Variants in CENPP observed in about 807,000 individuals in gnomAD.
CENPP encodes the protein centromere protein P.
A neutral mutation model predicts 35.6 loss-of-function variants in CENPP; 24 were observed. That is an observed-to-expected ratio of 0.67 (90% CI 0.49 to 0.95). The LOEUF is 0.95. CENPP is among the 40% of genes least tolerant of loss of function. The pLI is 0.00. For synonymous variants in CENPP, 120 were observed against 125.5 expected, an observed-to-expected ratio of 0.96 and a Z score of 0.29; for missense variants, 332 against 345.3, an observed-to-expected ratio of 0.96 and a Z score of 0.31.
chr9:92,337,741 G>C (rs1840974302), intron 3 of CENPP, 112 bp downstream of exon 3: 6 of 752,770 alleles, frequency 8.0e-6, no homozygotes, highest in African/African-American at 5.3e-5. Context: ...ATGAGCCAGG[G>C]CCCCCCCATT....
chr9:92,592,066 T>C (rs1850676330), intron 5 of CENPP, among the ~76,000 whole-genome samples: 2 of 151,786 alleles, frequency 1.3e-5, no homozygotes, highest in African/African-American at 4.9e-5. Context: ...AAAATAGACA[T>C]ACAGAAAAGA....
rs76297691 is a variant in CENPP at position 92,516,072 on chromosome 9, T to TCCC, written c.565-95235_565-95233dup. Among the ~76,000 whole-genome samples the TCCC allele has an allele frequency of 3.2e-4, 45 of 139,808 alleles. 1 individual carries two copies. The highest frequency in any genetic ancestry group is 7.0e-5 in the Admixed American group (1 of 14,240). The allele number at this position is 139,808 out of a possible 152,430, so 91.7% of individuals were successfully genotyped here. A position where few individuals can be genotyped will look rare whatever the true frequency, so the allele number is the denominator to read the frequency against. ...TGATTTCACAGTGCATACTTTTTTT[T>TCCC]CCCCCCCCCGAGACGGAGTCTTGCT... On this transcript the variant is annotated intron_variant, in intron 5 of 7. Transcript: ENST00000375587.
intron 5 of CENPP, among the ~76,000 whole-genome samples, chr9:92,494,855 C>T (rs528320923): frequency 1.3e-5 from 2 of 152,090 alleles, no homozygotes; most frequent in African/African-American, 4.8e-5. Flanking sequence ...TGCAGTGAGC[C>T]GAGATTGCAC....
At chr9:92,473,419 A>G (rs1845598985) in intron 5 of CENPP, among the ~76,000 whole-genome samples, 1 of 152,214 alleles carries the variant, frequency 6.6e-6, no homozygotes, top group Non-Finnish European at 1.5e-5. Context: ...AAGTGCTTTA[A>G]CATGCACCCA....
At chr9:92,357,302 T>C (rs1263874728) in intron 4 of CENPP, among the ~76,000 whole-genome samples, 1 of 151,944 alleles carries the variant, frequency 6.6e-6, no homozygotes, top group Non-Finnish European at 1.5e-5. Context: ...TTTCTTTCAC[T>C]CTACAGAATT....
rs140514001 is a variant in CENPP, at chr9:92,354,490, G to A, written c.467+8703G>A. Among the ~76,000 whole-genome samples the A allele has an allele frequency of 1.8e-3, 269 of 152,230 alleles. 1 individual carries two copies. Among genetic ancestry groups the A allele is most frequent in the South Asian group, 9.1e-3 (44 of 4,820 alleles). ...AGGGGTGGCTGGGGAAAGAGGCTGAGTGATGGATTATCCTATCCCTTGATT... is the reference window on the plus strand; with the variant it reads ...AGGGGTGGCTGGGGAAAGAGGCTGAATGATGGATTATCCTATCCCTTGATT... On this transcript the variant is annotated intron_variant, in intron 4 of 7. Coordinates refer to ENST00000375587, the MANE Select transcript of CENPP (RefSeq NM_001012267.3).
At chr9:92,574,430 A>G (rs865801286) in intron 5 of CENPP, among the ~76,000 whole-genome samples, 2 of 152,346 alleles carry the variant, frequency 1.3e-5, no homozygotes, top group African/African-American at 4.8e-5. Flanking sequence ...ATTTCTATAC[A>G]CTAACAGTGA....
chr9:92,605,479 AC>A (rs1041943792), intron 5 of CENPP, among the ~76,000 whole-genome samples: 2 of 152,136 alleles, frequency 1.3e-5, no homozygotes, highest in African/African-American at 4.8e-5. Flanking sequence ...CTCTCTATAA[AC>A]CAGAGTATCT....
At chr9:92,486,095 AG>A (rs1452825373) in intron 5 of CENPP, among the ~76,000 whole-genome samples, 5 of 152,146 alleles carry the variant, frequency 3.3e-5, no homozygotes, top group Non-Finnish European at 7.3e-5. Flanking sequence ...GAAGCAGGAT[AG>A]GGGTGGGGGT....
chr9:92,431,501 G>A (rs766733018), intron 5 of CENPP, among the ~76,000 whole-genome samples: 19 of 152,028 alleles, frequency 1.2e-4, no homozygotes, highest in Non-Finnish European at 2.4e-4. Flanking sequence ...ACATCTTTTC[G>A]AATGTTTTTC....
intron 5 of CENPP, among the ~76,000 whole-genome samples, chr9:92,573,749 A>G (rs1422886911): frequency 6.6e-6 from 1 of 152,208 alleles, no homozygotes; most frequent in African/African-American, 2.4e-5. Context: ...GGCTCCACCC[A>G]GTTCGAGCTT....
chr9:92,401,082 T>G, intron 5 of CENPP: 1 of 1,266,172 alleles, frequency 7.9e-7, no homozygotes, highest in Non-Finnish European at 1.1e-6. Flanking sequence ...AATATTTAGA[T>G]GATACTTACC....
intron 5 of CENPP, chr9:92,384,591 A>C (rs1842351614): frequency 6.6e-6 from 1 of 152,144 alleles, no homozygotes. Context: ...TAATTCTTGC[A>C]GTTAGCCATG....
At chr9:92,395,722 A>G (rs1160775256) in intron 5 of CENPP, among the ~76,000 whole-genome samples, 2 of 151,984 alleles carry the variant, frequency 1.3e-5, no homozygotes, top group Non-Finnish European at 2.9e-5. Flanking sequence ...AGGGCATGTT[A>G]TAGTATCTCA....
intron 5 of CENPP, among the ~76,000 whole-genome samples, chr9:92,472,720 GGAA>G (rs1463030881): frequency 2.6e-5 from 4 of 152,090 alleles, no homozygotes; most frequent in African/African-American, 9.7e-5. Context: ...ACCCTATATG[GGAA>G]GAAGAAGGGG....
chr9:92,601,120 A>C (rs1367599189), intron 5 of CENPP, among the ~76,000 whole-genome samples: 1 of 152,216 alleles, frequency 6.6e-6, no homozygotes, highest in Non-Finnish European at 1.5e-5. Context: ...TATGGTTTAC[A>C]GGAGGCAATT....
intron 5 of CENPP, chr9:92,385,401 G>C: frequency 2.1e-6 from 1 of 468,976 alleles, no homozygotes; most frequent in East Asian, 3.6e-5. Flanking sequence ...TTGTAATGCT[G>C]TTTAAATATT....
chr9:92,518,007 G>T, intron 5 of CENPP: 1 of 1,046,542 alleles, frequency 9.6e-7, no homozygotes, highest in Non-Finnish European at 1.4e-6. Context: ...TTCATGTATA[G>T]GGTAAAGATG....
chr9:92,532,086 C>T (rs760406128), intron 5 of CENPP, among the ~76,000 whole-genome samples: 13 of 134,012 alleles, frequency 9.7e-5, no homozygotes, highest in Non-Finnish European at 2.0e-4. Flanking sequence ...GCCTTGAATC[C>T]CTAGGCTAAA....
Sources: gnomAD v4.1 joint callset for allele counts (sites outside exome capture counted in the v4.1 genomes callset) on GRCh38, gnomAD v4.1.1 for gene constraint, MANE v1.5 for transcripts, NCBI Gene and HGNC (gene_info 2026-07-23, HGNC 2026-07-21) for gene names.